Variants in LGR6 observed in about 807,000 individuals in gnomAD.
LGR6 encodes leucine rich repeat containing G protein-coupled receptor 6.
LGR6 carries 45 observed loss-of-function variants against 69.4 expected under a neutral mutation model. That is an observed-to-expected ratio of 0.65 (90% CI 0.51 to 0.83). The LOEUF is 0.83. Ranked by LOEUF, LGR6 falls within the 40% of genes least tolerant of loss-of-function variation. The pLI is 0.00. For synonymous variants in LGR6, 538 were observed against 555.0 expected (o/e 0.97, Z 0.43); for missense variants, 1,108 against 1,246.7 (o/e 0.89, Z 1.68).
chr1:202,292,367 G>A (rs1210709114), intron 6 of LGR6, among the ~76,000 whole-genome samples: 1 of 152,248 alleles, frequency 6.6e-6, no homozygotes, highest in Admixed American at 6.5e-5. Context: ...CTAAATGGCT[G>A]TGACATATAG....
At chr1:202,304,070 G>T (rs1667800828) in intron 10 of LGR6, among the ~76,000 whole-genome samples, 1 of 151,964 alleles carries the variant, frequency 6.6e-6, no homozygotes, top group Non-Finnish European at 1.5e-5. Context: ...CCCAGCTCCT[G>T]GTTCTTCCCT....
At chr1:202,295,720 C>G (rs914848840) in intron 6 of LGR6, among the ~76,000 whole-genome samples, 16 of 152,336 alleles carry the variant, frequency 1.1e-4, no homozygotes, top group Non-Finnish European at 1.8e-4. Context: ...CTGTGGGAGC[C>G]TCTCTGTGAG....
At chr1:202,302,703 C>T (rs1162609494) in intron 9 of LGR6, among the ~76,000 whole-genome samples, 2 of 152,122 alleles carry the variant, frequency 1.3e-5, no homozygotes, top group Non-Finnish European at 2.9e-5. Context: ...CCCGCCACCA[C>T]GCCCGACTGC....
chr1:202,261,987 C>T (rs564265355), intron 4 of LGR6, among the ~76,000 whole-genome samples: 1 of 152,100 alleles, frequency 6.6e-6, no homozygotes, highest in African/African-American at 2.4e-5. Context: ...GATATTAGCC[C>T]TTTGTCAGGT....
intron 5 of LGR6, 133 bp from the exon 6 acceptor site, chr1:202,280,648 C>A: frequency 2.4e-6 from 2 of 825,746 alleles, no homozygotes; most frequent in Middle Eastern, 3.4e-4. Flanking sequence ...TTCCTGGAAA[C>A]AAACGGATGG....
intron 1 of LGR6, among the ~76,000 whole-genome samples, chr1:202,220,062 T>C (rs779540263): frequency 6.6e-6 from 1 of 151,860 alleles, no homozygotes; most frequent in Non-Finnish European, 1.5e-5. Context: ...GTATTTTTAG[T>C]AGAGACAGGG....
intron 1 of LGR6, chr1:202,214,012 G>C (rs989704735): frequency 4.1e-5 from 54 of 1,324,158 alleles, no homozygotes; most frequent in Non-Finnish European, 5.1e-5. Flanking sequence ...CAAATAGTTC[G>C]GGAGTTAGGG....
At chr1:202,233,124 G>A (rs1661228258) in intron 3 of LGR6, among the ~76,000 whole-genome samples, 1 of 152,222 alleles carries the variant, frequency 6.6e-6, no homozygotes, top group African/African-American at 2.4e-5. Flanking sequence ...GAGACAATGA[G>A]TTCCCTGACA....
At chr1:202,206,757 A>G (rs2924103) in intron 1 of LGR6, among the ~76,000 whole-genome samples, 100,409 of 151,828 alleles carry the variant, frequency 0.66, 33,802 homozygotes, top group South Asian at 0.88. Context: ...AAAACTTATA[A>G]TGGGATCTCA....
intron 6 of LGR6, among the ~76,000 whole-genome samples, chr1:202,289,225 G>C (rs947418947): frequency 1.5e-4 from 23 of 152,318 alleles, no homozygotes; most frequent in African/African-American, 5.3e-4. Context: ...AGTAAGGAAG[G>C]ATTACGTAAT....
intron 6 of LGR6, among the ~76,000 whole-genome samples, chr1:202,289,894 G>A (rs1490136377): frequency 6.6e-6 from 1 of 152,176 alleles, no homozygotes; most frequent in African/African-American, 2.4e-5. Flanking sequence ...TGGGGAGCTA[G>A]GCTCACCCAT....
chr1:202,215,312 G>C (rs887864571), intron 1 of LGR6, among the ~76,000 whole-genome samples: 1 of 152,172 alleles, frequency 6.6e-6, no homozygotes, highest in African/African-American at 2.4e-5. Flanking sequence ...ACCTGCATCA[G>C]CTCCACCCAG....
intron 4 of LGR6, among the ~76,000 whole-genome samples, chr1:202,256,088 C>T (rs1456702720): frequency 2.6e-5 from 4 of 152,228 alleles, no homozygotes; most frequent in East Asian, 1.9e-4. Flanking sequence ...TGCTTTCTGT[C>T]TCTTTGGATT....
Position 202,198,690 on chromosome 1 carries a change from T to G in LGR6, c.212+4489T>G, listed in dbSNP as rs866426193. ...TAGGTTTTTTTTTTTTTTTTTTTTT[T>G]TTTTTTAAGAGTACAGTCTGAAAAT... On this transcript the variant is annotated intron_variant, in intron 1 of 17. Coordinates refer to ENST00000367278, the MANE Select transcript of LGR6 (RefSeq NM_001017403.2). Among the ~76,000 whole-genome samples, 171 of 151,040 alleles carry G rather than the reference T, an allele frequency of 1.1e-3. No homozygotes were observed. In the Middle Eastern group the frequency reaches 0.014, roughly 12 times the overall value.
At chr1:202,280,970 C>G in intron 6 of LGR6, 118 bp downstream of exon 6, 1 of 880,018 alleles carries the variant, frequency 1.1e-6, no homozygotes, top group East Asian at 2.7e-5. Context: ...GGGGTCTGGC[C>G]CCGGGCTTGT....
intron 2 of LGR6, among the ~76,000 whole-genome samples, chr1:202,227,278 G>A (rs893814726): frequency 2.0e-5 from 3 of 152,188 alleles, no homozygotes; most frequent in Non-Finnish European, 4.4e-5. Context: ...TGGAGATCAG[G>A]CAGTGACTTC....
chr1:202,311,540 G>A (rs1214294096), intron 16 of LGR6, among the ~76,000 whole-genome samples: 1 of 152,180 alleles, frequency 6.6e-6, no homozygotes, highest in Non-Finnish European at 1.5e-5. Context: ...TGCGCCTGTA[G>A]TCCCAGCTAC....
At chr1:202,301,974 G>A (rs888253225) in intron 9 of LGR6, among the ~76,000 whole-genome samples, 85 of 152,224 alleles carry the variant, frequency 5.6e-4, no homozygotes, top group African/African-American at 2.0e-3. Context: ...AGCCGAGATC[G>A]CGCCATTGCA....
intron 17 of LGR6, among the ~76,000 whole-genome samples, chr1:202,315,362 T>C (rs540150911): frequency 6.6e-6 from 1 of 152,214 alleles, no homozygotes; most frequent in African/African-American, 2.4e-5. Flanking sequence ...AAAAACTCCA[T>C]AGTATCCCTG....
Sources: allele counts gnomAD v4.1 joint callset (sites outside exome capture counted in the v4.1 genomes callset), GRCh38; gene constraint gnomAD v4.1.1; transcripts MANE v1.5; gene names NCBI Gene and HGNC (gene_info 2026-07-23, HGNC 2026-07-21).